The following SLC4A3 variants were observed in gnomAD, a reference collection of about 807,000 sequenced individuals.
The protein encoded by SLC4A3 is anion exchange protein 3.
Under a neutral mutation model 114.2 loss-of-function variants are expected in SLC4A3, and 47 were observed. The ratio of observed to expected loss-of-function variants is 0.41; its 90% CI spans 0.33 to 0.52. The LOEUF (loss-of-function observed/expected upper bound fraction) is 0.52, where lower values mean the gene tolerates loss of function less well. Among genes scored for constraint, SLC4A3 ranks in the 20% least tolerant of loss-of-function variants. The pLI, the probability that SLC4A3 is intolerant of heterozygous loss-of-function variation, is 0.21. For synonymous variants in SLC4A3, 693 were observed against 710.3 expected, an observed-to-expected ratio of 0.98 and a Z score of 0.39; for missense variants, 1,312 against 1,668.3, an observed-to-expected ratio of 0.79 and a Z score of 3.72.
chr2:219,629,503 C>A (rs948526641), intron 4 of SLC4A3, 77 bp from the exon 5 acceptor site: 12 of 1,585,780 alleles, frequency 7.6e-6, no homozygotes, highest in Non-Finnish European at 1.0e-5. Flanking sequence ...GTGTTGGGGG[C>A]CTGTGTGAGG....
rs1313821223 is a variant in SLC4A3, at chr2:219,633,360, C to T, written c.1364C>T (p.Pro455Leu). 2 of 1,607,664 alleles carry T rather than the reference C, an allele frequency of 1.2e-6. No homozygotes were observed. The highest frequency in any genetic ancestry group is 1.7e-5 in the Admixed American group (1 of 59,418). Residue 455 changes from proline (P) to leucine (L), a missense_variant, in exon 10 of 23, where the codon CCA (proline) becomes CTA (leucine). Coordinates refer to ENST00000358055, the MANE Select transcript of SLC4A3 (RefSeq NM_005070.4). ...AACTCGGTTCTGGGGAATCATCACC[C>T]AACTCCCAGCCATGGCCCTGATGGG... ...SMNSVLGNHH[P>L]TPSHGPDGAV...
rs1230554404 is a variant in SLC4A3, at chr2:219,636,287, C to T, written c.2192-15C>T. 2.5e-6 allele frequency: 4 copies of T among 1,613,038 alleles called. No individual in the cohort carries two copies. Among genetic ancestry groups the T allele is most frequent in the Non-Finnish European group, 3.4e-6 (4 of 1,179,832 alleles). On this transcript the variant is annotated splice_polypyrimidine_tract_variant and intron_variant, in intron 14 of 22. Coordinates refer to ENST00000358055, the MANE Select transcript of SLC4A3 (RefSeq NM_005070.4). This position sits in a 1 kb window ranked among gnomAD's most constrained non-coding sequence, Gnocchi z 5.5. ...ACAGAGCCAGGCTAGGGCCATCCTA[C>T]CCGTGCTATGGCAGGAGAGAAGACC...
At position 219,637,743 on chromosome 2, in the gene SLC4A3, A is replaced by T; in HGVS notation, c.2698A>T (p.Met900Leu). 6.2e-7 allele frequency: 1 copy of T among 1,613,688 alleles called. No homozygotes were observed. Among genetic ancestry groups the T allele is most frequent in the Non-Finnish European group, 8.5e-7 (1 of 1,179,818 alleles). Residue 900 changes from methionine to leucine, a missense_variant, in exon 17 of 23, where the codon ATG (methionine) becomes TTG (leucine). Met to Leu is a conservative substitution (Grantham distance 15, BLOSUM62 2). Coordinates refer to ENST00000358055, the MANE Select transcript of SLC4A3 (RefSeq NM_005070.4). This position sits in a 1 kb window ranked among gnomAD's most constrained non-coding sequence, Gnocchi z 4.6. ...PNTALLSLILMLGTFFIAFFL... is the reference protein window; with the variant it reads ...PNTALLSLILLLGTFFIAFFL... ...TACGGCACTGCTCTCACTCATCCTCATGCTCGGGACCTTCTTCATAGCCTT... is the reference window on the plus strand; with the variant it reads ...TACGGCACTGCTCTCACTCATCCTCTTGCTCGGGACCTTCTTCATAGCCTT...
chr2:219,639,918 TCCTGC>T lies in SLC4A3; in HGVS notation c.3277+186_3277+190del, dbSNP rs1699259035. ...CCTGGAGTCCTTTTCTGGCTCTCTG[TCCTGC>T]CCCCTCTTCTCTCTCTTTTTTTTTG... On this transcript the variant is annotated intron_variant, in intron 20 of 22. Coordinates refer to ENST00000358055, the MANE Select transcript of SLC4A3 (RefSeq NM_005070.4). The surrounding 1 kb of genome is among the most constrained non-coding windows in gnomAD (Gnocchi z 5.9). Among the ~76,000 whole-genome samples, 1 of 152,098 alleles carries T rather than the reference TCCTGC, an allele frequency of 6.6e-6. No homozygotes were observed. Among genetic ancestry groups the T allele is most frequent in the Non-Finnish European group, 1.5e-5 (1 of 68,016 alleles).
Position 219,630,022 on chromosome 2 carries a change from C to T in SLC4A3, c.612-131C>T, listed in dbSNP as rs1698863217. On this transcript the variant is annotated intron_variant, in intron 5 of 22. Transcript: ENST00000358055. The surrounding 1 kb of genome is among the most constrained non-coding windows in gnomAD (Gnocchi z 6.9). ...ATGGGGAGGGGGCCTGGGTCAGCAT[C>T]CTTTGCTGCCCAGGAGGGGCCTGGG... The T allele has an allele frequency of 4.0e-6, 6 of 1,506,672 alleles. No homozygotes were observed. Among genetic ancestry groups the T allele is most frequent in the Non-Finnish European group, 4.4e-6 (5 of 1,125,482 alleles). 93.3% of individuals were successfully genotyped at this position (1,506,672 alleles called of 1,614,324 possible).
In SLC4A3 at chr2:219,638,253, G is replaced by A; in HGVS notation, c.2856G>A (p.Gln952=). Residue 952 remains glutamine, a splice_region_variant and synonymous_variant, in exon 18 of 23, where the codon CAG becomes CAA. Transcript: ENST00000358055. The surrounding 1 kb of genome is among the most constrained non-coding windows in gnomAD (Gnocchi z 7.5). ...VDYSITDTYT[Q]KLTVPTGLSV... is the part of the protein sequence containing the mutation. The stretch of plus-strand genomic sequence containing the variant: ...ACTCCATCACAGACACCTACACGCA[G>A]GTGAGGGAGCCCCAGCCTGTGGCAG... 1 of 1,608,434 alleles carries A rather than the reference G, an allele frequency of 6.2e-7. No homozygotes were observed. Among genetic ancestry groups the A allele is most frequent in the Non-Finnish European group, 8.5e-7 (1 of 1,176,662 alleles).
chr2:219,641,633 C>T lies in SLC4A3; in HGVS notation c.3622-18C>T, dbSNP rs556822075. The T allele has an allele frequency of 1.9e-5, 31 of 1,610,270 alleles. No individual in the cohort carries two copies. The South Asian group carries it at 3.4e-4, about 18-fold the overall frequency. On this transcript the variant is annotated intron_variant, in intron 22 of 22. Transcript: ENST00000358055. This position sits in a 1 kb window ranked among gnomAD's most constrained non-coding sequence, Gnocchi z 4.0. ...AGCATGCTTCCCTGCCTTCCCCAAC[C>T]TTCTGTTCCCTCTGCAGCTGGACTC...
chr2:219,630,374 C>A lies in SLC4A3; in HGVS notation c.811+22C>A. 6.3e-7 allele frequency: 1 copy of A among 1,576,384 alleles called. No homozygotes were observed. The highest frequency in any genetic ancestry group is 8.6e-7 in the Non-Finnish European group (1 of 1,161,328). ...AAGAGTGAGTGAGACCTTGTGGCAG[C>A]CCCCATGGTCCACTGCGACGGACTC... On this transcript the variant is annotated intron_variant, in intron 6 of 22. Coordinates refer to ENST00000358055, the MANE Select transcript of SLC4A3 (RefSeq NM_005070.4). The surrounding 1 kb of genome is among the most constrained non-coding windows in gnomAD (Gnocchi z 6.9).
rs1391547165 is a variant in SLC4A3 at position 219,638,269 on chromosome 2, C to G, written c.2856+16C>G. On this transcript the variant is annotated intron_variant, in intron 18 of 22. Coordinates refer to ENST00000358055, the MANE Select transcript of SLC4A3 (RefSeq NM_005070.4). This position sits in a 1 kb window ranked among gnomAD's most constrained non-coding sequence, Gnocchi z 7.5. ...CTACACGCAGGTGAGGGAGCCCCAG[C>G]CTGTGGCAGCTGCTGTCACCCCCAG... The G allele has an allele frequency of 5.1e-6, 8 of 1,583,784 alleles. No individual in the cohort carries two copies. The highest frequency in any genetic ancestry group is 6.9e-6 in the Non-Finnish European group (8 of 1,155,396).
chr2:219,637,348 TG>T lies in SLC4A3; in HGVS notation c.2536-232del, dbSNP rs748035366. Reference sequence around the variant, plus strand: ...TGTGTGGTGTGTATGTGGTATGTTGTGTTTTTTTTGTGTTGTATGTGTTATG... The same window carrying T: ...TGTGTGGTGTGTATGTGGTATGTTGTTTTTTTTTGTGTTGTATGTGTTATG... On this transcript the variant is annotated intron_variant, in intron 16 of 22. Coordinates refer to ENST00000358055, the MANE Select transcript of SLC4A3 (RefSeq NM_005070.4). This position sits in a 1 kb window ranked among gnomAD's most constrained non-coding sequence, Gnocchi z 4.6. Among the ~76,000 whole-genome samples the T allele has an allele frequency of 4.0e-4, 60 of 151,762 alleles. No individual in the cohort carries two copies. Among genetic ancestry groups the T allele is most frequent in the Non-Finnish European group, 6.5e-4 (44 of 67,876 alleles).
In SLC4A3 at chr2:219,641,264, C is replaced by G. The variant is rs757663319; in HGVS notation, c.3621+302C>G. 6.6e-6 allele frequency among the ~76,000 whole-genome samples: 1 copy of G among 152,120 alleles called. No individual in the cohort carries two copies. Among genetic ancestry groups the G allele is most frequent in the Non-Finnish European group, 1.5e-5 (1 of 68,028 alleles). On this transcript the variant is annotated intron_variant, in intron 22 of 22. Coordinates refer to ENST00000358055, the MANE Select transcript of SLC4A3 (RefSeq NM_005070.4). This position sits in a 1 kb window ranked among gnomAD's most constrained non-coding sequence, Gnocchi z 4.0. Reference sequence around the variant, plus strand: ...TGCAGGTGGTGCCTGACCAAAAACACCCGGCTGAGAGGCTACAGGGTTGAT... The same window carrying G: ...TGCAGGTGGTGCCTGACCAAAAACAGCCGGCTGAGAGGCTACAGGGTTGAT...
In SLC4A3 at chr2:219,636,495, C is replaced by A. The variant is rs371525779; in HGVS notation, c.2340+45C>A. 5 of 1,540,228 alleles carry A rather than the reference C, an allele frequency of 3.2e-6. No homozygotes were observed. Among genetic ancestry groups the A allele is most frequent in the Non-Finnish European group, 4.4e-6 (5 of 1,148,208 alleles). On this transcript the variant is annotated intron_variant, in intron 15 of 22. Transcript: ENST00000358055. This position sits in a 1 kb window ranked among gnomAD's most constrained non-coding sequence, Gnocchi z 5.5. ...TGCTCCATCCATCCTGCCCCACACT[C>A]TTCCTTACCTACATCCTGCCCCACA...
rs1698918983 is a variant in SLC4A3 at position 219,631,482 on chromosome 2, C to G, written c.812-486C>G. The G allele has an allele frequency of 7.7e-7, 1 of 1,298,454 alleles. No individual in the cohort carries two copies. Among genetic ancestry groups the G allele is most frequent in the Non-Finnish European group, 1.0e-6 (1 of 984,684 alleles). The allele number at this position is 1,298,454 out of a possible 1,614,324, so 80.4% of individuals were successfully genotyped here. ...TGAGTAACGGGGCTGCTGGCCTTTC[C>G]CCGACTGCTGCTGGCCTGGGTGGGG... On this transcript the variant is annotated intron_variant, in intron 6 of 22. Transcript: ENST00000358055. The surrounding 1 kb of genome is among the most constrained non-coding windows in gnomAD (Gnocchi z 6.3).
At position 219,638,124 on chromosome 2, in the gene SLC4A3, C is replaced by T. The variant is rs1382799870; in HGVS notation, c.2767-40C>T. 6.6e-7 allele frequency: 1 copy of T among 1,520,122 alleles called. No homozygotes were observed. Among genetic ancestry groups the T allele is most frequent in the East Asian group, 2.3e-5 (1 of 42,972 alleles). The allele number at this position is 1,520,122 out of a possible 1,614,324, so 94.2% of individuals were successfully genotyped here. ...CCCCGTGTTAGTCTGCTGACCTTGC[C>T]TCCACCTTTTGCTCCCTTCCCCAAC... On this transcript the variant is annotated intron_variant, in intron 17 of 22. Coordinates refer to ENST00000358055, the MANE Select transcript of SLC4A3 (RefSeq NM_005070.4). This position sits in a 1 kb window ranked among gnomAD's most constrained non-coding sequence, Gnocchi z 7.5.
chr2:219,633,414 G>T lies in SLC4A3; in HGVS notation c.1418G>T (p.Gly473Val). 6.3e-7 allele frequency: 1 copy of T among 1,575,530 alleles called. No individual in the cohort carries two copies. The highest frequency in any genetic ancestry group is 8.6e-7 in the Non-Finnish European group (1 of 1,160,162). Reference protein sequence around the residue: ...GAVPTMADDLGEPAPLWPHDP... With the variant: ...GAVPTMADDLVEPAPLWPHDP... ...GTGCCTACCATGGCTGATGACCTGG[G>T]GGAGCCAGCCCCACTCTGGCCACAT... Residue 473 changes from glycine (G) to valine (V), a missense_variant, in exon 10 of 23, where the codon GGG (glycine) becomes GTG (valine). Gly to Val is a moderately radical substitution (Grantham distance 109, BLOSUM62 -3). This residue lies in a region of SLC4A3 where 771 missense variants were observed against 977.7 expected (regional missense o/e 0.79). Coordinates refer to ENST00000358055, the MANE Select transcript of SLC4A3 (RefSeq NM_005070.4).
Position 219,631,251 on chromosome 2 carries a change from C to G in SLC4A3, c.812-717C>G, listed in dbSNP as rs1325873907. On this transcript the variant is annotated intron_variant, in intron 6 of 22. Coordinates refer to ENST00000358055, the MANE Select transcript of SLC4A3 (RefSeq NM_005070.4). The surrounding 1 kb of genome is among the most constrained non-coding windows in gnomAD (Gnocchi z 6.3). ...GGCCACCGGGAGAATGACGAGCCCA[C>G]TGGAGAAGGACCCTGAGCCCAATGG... 7.9e-7 allele frequency: 1 copy of G among 1,269,484 alleles called. No individual in the cohort carries two copies. Among genetic ancestry groups the G allele is most frequent in the Non-Finnish European group, 1.0e-6 (1 of 966,208 alleles). 78.6% of individuals were successfully genotyped at this position (1,269,484 alleles called of 1,614,324 possible).
At chr2:219,634,168 G>C (rs1412128951) in intron 11 of SLC4A3, among the ~76,000 whole-genome samples, 189 bp downstream of exon 11, 1 of 152,158 alleles carries the variant, frequency 6.6e-6, no homozygotes, top group African/African-American at 2.4e-5. Flanking sequence ...CCTGCTTCCT[G>C]TCCAGTTTTC....
In SLC4A3 at chr2:219,638,887, AG is replaced by A; in HGVS notation, c.3023+20del. 2 of 1,610,866 alleles carry A rather than the reference AG, an allele frequency of 1.2e-6. No individual in the cohort carries two copies. The highest frequency in any genetic ancestry group is 1.7e-6 in the Non-Finnish European group (2 of 1,179,726). ...ATCACGGCGTGAGAGAGATGGGAGGAGGAGGTGGGAGGGACGAGGCCAAGCT... is the reference window on the plus strand; with the variant it reads ...ATCACGGCGTGAGAGAGATGGGAGGAGAGGTGGGAGGGACGAGGCCAAGCT... On this transcript the variant is annotated intron_variant, in intron 19 of 22. Coordinates refer to ENST00000358055, the MANE Select transcript of SLC4A3 (RefSeq NM_005070.4). This position sits in a 1 kb window ranked among gnomAD's most constrained non-coding sequence, Gnocchi z 7.5.
In SLC4A3 at chr2:219,631,862, T is replaced by C. The variant is rs1698934245; in HGVS notation, c.812-106T>C. 7.9e-7 allele frequency: 1 copy of C among 1,266,450 alleles called. No individual in the cohort carries two copies. The highest frequency in any genetic ancestry group is 1.5e-5 in the African/African-American group (1 of 66,590). 78.5% of individuals were successfully genotyped at this position (1,266,450 alleles called of 1,614,324 possible). ...GGTTCCCGTCGGCATGGCCTGTTGG[T>C]GACTGTAGAGCTCACCAAGTAGATG... On this transcript the variant is annotated intron_variant, in intron 6 of 22. Transcript: ENST00000358055. This position sits in a 1 kb window ranked among gnomAD's most constrained non-coding sequence, Gnocchi z 6.3.
Sources: gnomAD v4.1 joint callset for allele counts (sites outside exome capture counted in the v4.1 genomes callset) on GRCh38, gnomAD v4.1.1 for gene constraint, gnomAD v4.1.1 regional missense constraint, Gnocchi (gnomAD v3.1) non-coding constraint, MANE v1.5 for transcripts, NCBI Gene and HGNC (gene_info 2026-07-23, HGNC 2026-07-21) for gene names.